Variants in SLC35A1 observed in about 807,000 individuals in gnomAD.
SLC35A1 encodes solute carrier family 35 member A1.
In SLC35A1, 21 loss-of-function variants were observed where a neutral mutation model predicts 40.3. The observed-to-expected ratio is 0.52, with a 90% CI of 0.37 to 0.75. SLC35A1 has a LOEUF of 0.75. Ranked by LOEUF, SLC35A1 falls within the 30% of genes least tolerant of loss-of-function variation. The pLI is 0.00. For synonymous variants in SLC35A1, 146 were observed against 147.3 expected, an observed-to-expected ratio of 0.99 and a Z score of 0.06; for missense variants, 297 against 382.1, an observed-to-expected ratio of 0.78 and a Z score of 1.86.
chr6:87,508,800 A>G (rs1770166664), intron 6 of SLC35A1: 3 of 704,710 alleles, frequency 4.3e-6, no homozygotes, highest in Non-Finnish European at 2.3e-6. Context: ...AATATCTAAC[A>G]TTAGCAAAAA....
intron 2 of SLC35A1, among the ~76,000 whole-genome samples, chr6:87,497,406 A>G (rs1562023697): frequency 6.6e-6 from 1 of 152,208 alleles, no homozygotes; most frequent in Non-Finnish European, 1.5e-5. Context: ...GGATATGGCC[A>G]AAAGAGACAG....
At chr6:87,506,666 C>A (rs1040092545) in intron 5 of SLC35A1, among the ~76,000 whole-genome samples, 1 of 152,102 alleles carries the variant, frequency 6.6e-6, no homozygotes, top group Non-Finnish European at 1.5e-5. Flanking sequence ...CAGTTAACTA[C>A]TTCTGTTATC....
chr6:87,478,900 ATTCC>A (rs1196286371), intron 2 of SLC35A1, among the ~76,000 whole-genome samples: 1 of 152,196 alleles, frequency 6.6e-6, no homozygotes, highest in Non-Finnish European at 1.5e-5. Context: ...AAGGGGACTT[ATTCC>A]TTATGCACGT....
chr6:87,485,838 T>C (rs111994954), intron 2 of SLC35A1, among the ~76,000 whole-genome samples: 60 of 152,166 alleles, frequency 3.9e-4, no homozygotes, highest in African/African-American at 1.3e-3. Context: ...TCCAGAAAAA[T>C]ACTGCAGAGT....
chr6:87,482,364 T>TAAATTTGGCA (rs2127965061), intron 2 of SLC35A1, among the ~76,000 whole-genome samples: 1 of 152,228 alleles, frequency 6.6e-6, no homozygotes, highest in South Asian at 2.1e-4. Context: ...ATTACACTGC[T>TAAATTTGGCA]AACTTTTGGC....
Position 87,509,390 on chromosome 6 carries a change from C to T in SLC35A1, c.886+215C>T, listed in dbSNP as rs76645240. On this transcript the variant is annotated intron_variant, in intron 7 of 7. Coordinates refer to ENST00000369552, the MANE Select transcript of SLC35A1 (RefSeq NM_006416.5). ...GTTTAGGTGGTCTTAGAGGTTAAGA[C>T]GAGGGGTGCTAGTTCTATGTGAAAG... 9.2e-3 allele frequency among the ~76,000 whole-genome samples: 1,402 copies of T among 152,156 alleles called. 23 individuals carry two copies. Among genetic ancestry groups the T allele is most frequent in the African/African-American group, 0.031 (1,303 of 41,506 alleles).
chr6:87,509,173 T>TAA lies in SLC35A1; in HGVS notation c.885_886dup (p.Thr296LysfsTer49). 6.2e-7 allele frequency: 1 copy of TAA among 1,614,102 alleles called. No individual in the cohort carries two copies. The highest frequency in any genetic ancestry group is 1.1e-5 in the South Asian group (1 of 91,080). ...TCAGTAATGCTGTTTGGATTACAGA[T>TAA]AAGTATGTCTTAGTTTGTGTTGAGT... On this transcript the variant is annotated frameshift_variant and splice_region_variant, in exon 7 of 8. Coordinates refer to ENST00000369552, the MANE Select transcript of SLC35A1 (RefSeq NM_006416.5). LOFTEE classifies it high-confidence loss of function.
intron 6 of SLC35A1, 29 bp downstream of exon 6, chr6:87,508,625 G>GTAGATT (rs758991548): frequency 6.4e-7 from 1 of 1,561,836 alleles, no homozygotes; most frequent in East Asian, 2.2e-5. Context: ...AAGGTTCTTA[G>GTAGATT]TAGATCCTTT....
chr6:87,489,484 C>T (rs1453739901), intron 2 of SLC35A1, among the ~76,000 whole-genome samples: 2 of 150,630 alleles, frequency 1.3e-5, no homozygotes, highest in Admixed American at 6.6e-5. Flanking sequence ...GGAAAGCCCT[C>T]GAAGAAGCCA....
chr6:87,501,045 C>T (rs904590518), intron 3 of SLC35A1, 113 bp from the exon 4 acceptor site: 23 of 1,079,466 alleles, frequency 2.1e-5, no homozygotes, highest in African/African-American at 4.7e-5. Flanking sequence ...CCACCGTGCC[C>T]GGCCATTATC....
intron 3 of SLC35A1, among the ~76,000 whole-genome samples, 179 bp downstream of exon 3, chr6:87,500,846 C>T (rs1769900142): frequency 1.3e-5 from 2 of 151,368 alleles, no homozygotes; most frequent in African/African-American, 4.9e-5. Flanking sequence ...CGCCCAGGTT[C>T]AAGCGATTCT....
intron 4 of SLC35A1, among the ~76,000 whole-genome samples, chr6:87,502,764 G>T (rs748065072): frequency 2.0e-5 from 3 of 152,096 alleles, no homozygotes; most frequent in South Asian, 2.1e-4. Context: ...ATGTAACTGT[G>T]TCACCCAAAT....
In SLC35A1 at chr6:87,485,994, C is replaced by T. The variant is rs567289944; in HGVS notation, c.194+8455C>T. ...GATTAAATGAAGTAAAAGCTTCTTC[C>T]TTTTTGCCCATTCTTTACACTGTGA... is the stretch of plus-strand genomic sequence containing the variant. On this transcript the variant is annotated intron_variant, in intron 2 of 7. Coordinates refer to ENST00000369552, the MANE Select transcript of SLC35A1 (RefSeq NM_006416.5). 2.0e-5 allele frequency among the ~76,000 whole-genome samples: 3 copies of T among 152,232 alleles called. No homozygotes were observed. The South Asian group carries it at 6.2e-4, about 32-fold the overall frequency.
At chr6:87,500,425 T>A in intron 2 of SLC35A1, 83 bp from the exon 3 acceptor site, 1 of 1,355,096 alleles carries the variant, frequency 7.4e-7, no homozygotes, top group South Asian at 1.2e-5. Flanking sequence ...ATGCTTGTCC[T>A]GTGTTTGAAG....
intron 6 of SLC35A1, 42 bp from the exon 7 acceptor site, chr6:87,508,999 A>G (rs760826209): frequency 6.2e-7 from 1 of 1,609,150 alleles, no homozygotes; most frequent in Non-Finnish European, 8.5e-7. Context: ...GTAATGTTTC[A>G]TTTATTTGAG....
At chr6:87,486,191 C>G (rs2127966929) in intron 2 of SLC35A1, among the ~76,000 whole-genome samples, 1 of 152,194 alleles carries the variant, frequency 6.6e-6, no homozygotes. Context: ...AGTGAATAGT[C>G]TTGGCTAATT....
At chr6:87,482,587 TACTG>T (rs1769275315) in intron 2 of SLC35A1, among the ~76,000 whole-genome samples, 1 of 152,200 alleles carries the variant, frequency 6.6e-6, no homozygotes, top group South Asian at 2.1e-4. Context: ...CCCTATCACT[TACTG>T]AATACCCGTT....
intron 2 of SLC35A1, among the ~76,000 whole-genome samples, chr6:87,489,134 C>A (rs553797897): frequency 1.3e-5 from 2 of 152,304 alleles, no homozygotes; most frequent in Middle Eastern, 3.4e-3. Context: ...AAGACAATAG[C>A]TTAATTCTAA....
intron 2 of SLC35A1, among the ~76,000 whole-genome samples, chr6:87,490,931 T>C (rs1402408610): frequency 1.3e-5 from 2 of 152,232 alleles, no homozygotes; most frequent in African/African-American, 4.8e-5. Flanking sequence ...TTTAAGATTA[T>C]ATTTGCTGCC....
Sources: gnomAD v4.1 joint callset for allele counts (sites outside exome capture counted in the v4.1 genomes callset) on GRCh38, gnomAD v4.1.1 for gene constraint, MANE v1.5 for transcripts, NCBI Gene and HGNC (gene_info 2026-07-23, HGNC 2026-07-21) for gene names.